CIMIP1: variants seen among roughly 807,000 people sequenced by gnomAD.
CIMIP1 encodes ciliary microtubule inner protein 1, also known as low in lung cancer 1.
At chr20:58,150,971 C>A in the CIMIP1 span, 5 of 1,606,590 alleles carry the variant, frequency 3.1e-6, no homozygotes, top group South Asian at 3.4e-5. Flanking sequence ...CCTCATGGCG[C>A]AGAAACCTCT....
chr20:58,155,319 C>G, the CIMIP1 span: 1 of 614,710 alleles, frequency 1.6e-6, no homozygotes, highest in Non-Finnish European at 2.9e-6. Context: ...TGCCCCACTT[C>G]TGTGTCTATA....
chr20:58,153,639 G>T, the CIMIP1 span: 2 of 1,543,380 alleles, frequency 1.3e-6, no homozygotes, highest in East Asian at 2.2e-5. Context: ...AATATAAATT[G>T]TATGAGCCCC....
At chr20:58,156,270 C>T in the CIMIP1 span, among the ~76,000 whole-genome samples, 3 of 152,126 alleles carry the variant, frequency 2.0e-5, no homozygotes, top group African/African-American at 7.2e-5. Flanking sequence ...TAAGAGAGGG[C>T]GGGGTGGTCA....
chr20:58,156,025 T>C, the CIMIP1 span, among the ~76,000 whole-genome samples: 1 of 152,178 alleles, frequency 6.6e-6, no homozygotes, highest in Non-Finnish European at 1.5e-5. Context: ...AGCACCTACT[T>C]CAGGGAGTAC....
At chr20:58,159,030 A>T in the CIMIP1 span, among the ~76,000 whole-genome samples, 1 of 152,178 alleles carries the variant, frequency 6.6e-6, no homozygotes, top group Non-Finnish European at 1.5e-5. Flanking sequence ...GTGGATATGC[A>T]GCTTATGTCC....
the CIMIP1 span, among the ~76,000 whole-genome samples, chr20:58,154,533 T>G: frequency 6.6e-6 from 1 of 152,220 alleles, no homozygotes; most frequent in Non-Finnish European, 1.5e-5. Context: ...GTAAAGCCCA[T>G]TTGTAATTCA....
At chr20:58,158,572 C>T in the CIMIP1 span, among the ~76,000 whole-genome samples, 3 of 152,062 alleles carry the variant, frequency 2.0e-5, no homozygotes, top group South Asian at 4.1e-4. Context: ...ACGACGTGAA[C>T]CCGGGAGGTG....
chr20:58,158,987 C>T, the CIMIP1 span, among the ~76,000 whole-genome samples: 1 of 152,174 alleles, frequency 6.6e-6, no homozygotes, highest in South Asian at 2.1e-4. Context: ...CCACACATTG[C>T]ATGGATGGGC....
the CIMIP1 span, among the ~76,000 whole-genome samples, chr20:58,158,939 G>T: frequency 2.6e-5 from 4 of 152,074 alleles, no homozygotes; most frequent in African/African-American, 4.8e-5. Flanking sequence ...TTTTCTCTTA[G>T]AAGTTTGTCT....
At chr20:58,153,601 GTTT>G in the CIMIP1 span, 3 of 1,613,772 alleles carry the variant, frequency 1.9e-6, no homozygotes, top group Non-Finnish European at 2.5e-6. Flanking sequence ...AGAACTGGGG[GTTT>G]TTAACAACCC....
the CIMIP1 span, among the ~76,000 whole-genome samples, chr20:58,156,636 G>A: frequency 3.3e-5 from 5 of 152,158 alleles, no homozygotes; most frequent in African/African-American, 9.7e-5. Context: ...AAGATTGTGG[G>A]GAGAGGGACA....
At chr20:58,152,427 TA>T in the CIMIP1 span, among the ~76,000 whole-genome samples, 1,927 of 147,788 alleles carry the variant, frequency 0.013, 37 homozygotes, top group African/African-American at 0.045. Flanking sequence ...ATGATTTATT[TA>T]AAAAAAAAAA....
chr20:58,152,028 C>T, the CIMIP1 span, among the ~76,000 whole-genome samples: 2 of 152,306 alleles, frequency 1.3e-5, no homozygotes, highest in South Asian at 2.1e-4. Flanking sequence ...TATTTACCCT[C>T]TCTATAATTT....
At chr20:58,152,885 A>G in the CIMIP1 span, among the ~76,000 whole-genome samples, 1 of 152,156 alleles carries the variant, frequency 6.6e-6, no homozygotes, top group Admixed American at 6.5e-5. Context: ...GCCCAGGGCA[A>G]AGAGTTGACC....
the CIMIP1 span, among the ~76,000 whole-genome samples, chr20:58,152,809 A>T: frequency 6.7e-6 from 1 of 149,960 alleles, no homozygotes; most frequent in Admixed American, 6.6e-5. Flanking sequence ...CAAATTGTGT[A>T]TGCAGCTCAT....
At chr20:58,151,328 A>T in the CIMIP1 span, among the ~76,000 whole-genome samples, 1 of 151,974 alleles carries the variant, frequency 6.6e-6, no homozygotes, top group Admixed American at 6.6e-5. Context: ...AAATCCAACT[A>T]ACATGTTCAT....
At chr20:58,160,376 A>G in the CIMIP1 span, among the ~76,000 whole-genome samples, 1 of 152,226 alleles carries the variant, frequency 6.6e-6, no homozygotes, top group Non-Finnish European at 1.5e-5. Context: ...ATATTTCTGC[A>G]TCTTTTTTTC....
chr20:58,155,671 C>T, the CIMIP1 span: 6 of 951,470 alleles, frequency 6.3e-6, no homozygotes, highest in Non-Finnish European at 8.1e-6. Flanking sequence ...GCAAAGCCAG[C>T]ACTGAAGGTA....
chr20:58,150,941 G>C, the CIMIP1 span: 6 of 1,591,674 alleles, frequency 3.8e-6, no homozygotes, highest in Admixed American at 8.8e-5. Flanking sequence ...AGAGCTTGCG[G>C]GGCGCACAGA....
Sources: gnomAD v4.1 joint callset for allele counts (sites outside exome capture counted in the v4.1 genomes callset) on GRCh38, gnomAD v4.1.1 for gene constraint, MANE v1.5 for transcripts, NCBI Gene and HGNC (gene_info 2026-07-23, HGNC 2026-07-21) for gene names.